The following MAPK10 variants were observed in gnomAD, a reference collection of about 807,000 sequenced individuals.
MAPK10 encodes JNK3 alpha protein kinase.
MAPK10 carries 25 observed loss-of-function variants against 59.3 expected under a neutral mutation model. The ratio of observed to expected loss-of-function variants is 0.42; its 90% CI spans 0.31 to 0.59. MAPK10 has a LOEUF of 0.59. Among genes scored for constraint, MAPK10 ranks in the 20% least tolerant of loss-of-function variants. The pLI is 0.15. For missense variants in MAPK10, 351 were observed against 568.9 expected, an observed-to-expected ratio of 0.62 and a Z score of 3.90; for synonymous variants, 190 against 200.5, an observed-to-expected ratio of 0.95 and a Z score of 0.44.
intron 1 of MAPK10, among the ~76,000 whole-genome samples, chr4:86,438,221 GTCTT>G (rs934899664): frequency 1.3e-5 from 2 of 152,130 alleles, no homozygotes; most frequent in African/African-American, 4.8e-5. Context: ...CATTTAGTAT[GTCTT>G]TCTTTATTGT....
intron 2 of MAPK10, among the ~76,000 whole-genome samples, chr4:86,307,541 T>C (rs1316385738): frequency 6.6e-6 from 1 of 152,032 alleles, no homozygotes; most frequent in African/African-American, 2.4e-5. Flanking sequence ...AAAGAGTTAG[T>C]GGTGTGAGAC....
chr4:86,416,065 A>G (rs555563372), intron 1 of MAPK10, among the ~76,000 whole-genome samples: 35 of 152,348 alleles, frequency 2.3e-4, no homozygotes, highest in Admixed American at 1.6e-3. Context: ...TTGAAGCCCT[A>G]AAGTCCCAGT....
chr4:86,536,722 GAATT>G (rs1397156156), intron 1 of MAPK10, among the ~76,000 whole-genome samples: 1 of 152,050 alleles, frequency 6.6e-6, no homozygotes, highest in Non-Finnish European at 1.5e-5. Flanking sequence ...GAAATATAAA[GAATT>G]ATTTAGTAAA....
intron 11 of MAPK10, chr4:86,031,686 TC>T: frequency 2.5e-6 from 1 of 401,660 alleles, no homozygotes; most frequent in South Asian, 4.0e-5. Context: ...GAGCTCACTT[TC>T]CGACATCTTC....
intron 1 of MAPK10, among the ~76,000 whole-genome samples, chr4:86,522,767 G>C (rs1366902236): frequency 2.0e-5 from 3 of 152,066 alleles, no homozygotes; most frequent in Non-Finnish European, 4.4e-5. Flanking sequence ...TCTACCTCTG[G>C]GGACTTATTT....
chr4:86,545,268 C>A (rs1759054353), intron 1 of MAPK10, among the ~76,000 whole-genome samples: 1 of 152,204 alleles, frequency 6.6e-6, no homozygotes, highest in South Asian at 2.1e-4. Flanking sequence ...AGGGTTGAGT[C>A]TGAAGAATGA....
intron 2 of MAPK10, among the ~76,000 whole-genome samples, chr4:86,222,150 T>A (rs1396066984): frequency 2.0e-5 from 3 of 152,220 alleles, no homozygotes; most frequent in Non-Finnish European, 2.9e-5. Context: ...TCATGCTTTC[T>A]GTACAGCCTG....
At chr4:86,058,309 C>G (rs1437391500) in intron 11 of MAPK10, among the ~76,000 whole-genome samples, 1 of 149,434 alleles carries the variant, frequency 6.7e-6, no homozygotes, top group African/African-American at 2.5e-5. Context: ...CTGGTAAGTG[C>G]CAGCCCTGGA....
chr4:86,479,525 C>G (rs1445825920), intron 1 of MAPK10, among the ~76,000 whole-genome samples: 1 of 151,822 alleles, frequency 6.6e-6, no homozygotes, highest in African/African-American at 2.4e-5. Flanking sequence ...TAGTCATACT[C>G]CTATTCACCA....
intron 11 of MAPK10, among the ~76,000 whole-genome samples, chr4:86,063,005 ACAT>A (rs1383924326): frequency 6.6e-6 from 1 of 152,224 alleles, no homozygotes; most frequent in African/African-American, 2.4e-5. Flanking sequence ...TGAAATCTCA[ACAT>A]CATTGTAAAA....
At chr4:86,429,868 T>C (rs1418903231) in intron 1 of MAPK10, 2 of 151,630 alleles carry the variant, frequency 1.3e-5, no homozygotes, top group African/African-American at 4.8e-5. Flanking sequence ...GATACTCACA[T>C]ATGTGTTTTC....
At chr4:86,298,002 T>C (rs2095401213) in intron 2 of MAPK10, among the ~76,000 whole-genome samples, 1 of 152,200 alleles carries the variant, frequency 6.6e-6, no homozygotes, top group South Asian at 2.1e-4. Context: ...TCTGTGTGTT[T>C]CCATTTGCAT....
At chr4:86,272,137 G>A (rs555488589) in intron 2 of MAPK10, among the ~76,000 whole-genome samples, 17 of 152,174 alleles carry the variant, frequency 1.1e-4, no homozygotes, top group Middle Eastern at 3.4e-3. Context: ...ATGGCCTCCA[G>A]TTGCATCCAT....
intron 1 of MAPK10, among the ~76,000 whole-genome samples, chr4:86,498,447 G>A (rs1245473103): frequency 6.6e-6 from 1 of 152,114 alleles, no homozygotes; most frequent in Non-Finnish European, 1.5e-5. Flanking sequence ...TCATTTTGGA[G>A]ACTCTTAAAA....
At chr4:86,236,628 G>A (rs1006793075) in intron 2 of MAPK10, among the ~76,000 whole-genome samples, 6 of 152,132 alleles carry the variant, frequency 3.9e-5, no homozygotes, top group African/African-American at 1.4e-4. Flanking sequence ...GGATTCAGAA[G>A]ACTAAAAGAG....
intron 1 of MAPK10, among the ~76,000 whole-genome samples, chr4:86,557,789 T>C (rs1760381149): frequency 6.6e-6 from 1 of 152,086 alleles, no homozygotes; most frequent in African/African-American, 2.4e-5. Flanking sequence ...CGTATGCCAT[T>C]GGGAGTGCAA....
intron 2 of MAPK10, among the ~76,000 whole-genome samples, chr4:86,283,326 A>G (rs1202049666): frequency 6.6e-6 from 1 of 152,186 alleles, no homozygotes; most frequent in Non-Finnish European, 1.5e-5. Flanking sequence ...ACACCAGAAG[A>G]TTAAATAAAA....
chr4:86,545,797 C>G (rs1431042796), intron 1 of MAPK10, among the ~76,000 whole-genome samples: 3 of 152,180 alleles, frequency 2.0e-5, no homozygotes, highest in Non-Finnish European at 4.4e-5. Flanking sequence ...CTAAATATAT[C>G]CAAGTGGAAT....
chr4:86,186,424 T>C (rs1158450545), intron 3 of MAPK10, among the ~76,000 whole-genome samples: 1 of 152,170 alleles, frequency 6.6e-6, no homozygotes, highest in African/African-American at 2.4e-5. Context: ...TACTTTCTCA[T>C]AGAAAATCTA....
Sources: allele counts gnomAD v4.1 joint callset (sites outside exome capture counted in the v4.1 genomes callset), GRCh38; gene constraint gnomAD v4.1.1; transcripts MANE v1.5; gene names NCBI Gene and HGNC (gene_info 2026-07-23, HGNC 2026-07-21).